The following AURKB variants were observed in gnomAD, a reference collection of about 807,000 sequenced individuals.
AURKB encodes aurora kinase B-Sv1.
AURKB carries 28 observed loss-of-function variants against 36.5 expected under a neutral mutation model. That is an observed-to-expected ratio of 0.77 (90% CI 0.57 to 1.05). AURKB has a LOEUF of 1.05. AURKB is among the 50% of genes least tolerant of loss of function. The pLI is 0.00. For synonymous variants in AURKB, 175 were observed against 172.9 expected, an observed-to-expected ratio of 1.01 and a Z score of -0.09; for missense variants, 383 against 447.4, an observed-to-expected ratio of 0.86 and a Z score of 1.30.
intron 2 of AURKB, 131 bp downstream of exon 2, chr17:8,210,046 G>T (rs1985897598): frequency 1.8e-5 from 22 of 1,249,056 alleles, no homozygotes; most frequent in Non-Finnish European, 2.5e-5. Flanking sequence ...CGTCAAACTT[G>T]GGACCCGTAC....
At position 8,210,157 on chromosome 17, in the gene AURKB, G is replaced by T; in HGVS notation, c.48+20C>A. On this transcript the variant is annotated intron_variant, in intron 2 of 8. Transcript: ENST00000585124. ...CCATGCGGGGTCATGGGGGCGCAGGGACGGAGGGAAGGGCCTTACCGTCTG... is the reference window on the plus strand; with the variant it reads ...CCATGCGGGGTCATGGGGGCGCAGGTACGGAGGGAAGGGCCTTACCGTCTG... 1 of 1,612,840 alleles carries T rather than the reference G, an allele frequency of 6.2e-7. No individual in the cohort carries two copies. The highest frequency in any genetic ancestry group is 8.5e-7 in the Non-Finnish European group (1 of 1,179,634).
rs756682338 is a variant in AURKB, at chr17:8,210,188, C to A, written c.37G>T (p.Gly13Cys). ...QKENSYPWPY[G>C]RQTAPSGLST... ...GGGAAGGGCCTTACCGTCTGTCGGCCGTAGGGCCAGGGGTAGGAGTTCTCC... is the reference window on the plus strand; with the variant it reads ...GGGAAGGGCCTTACCGTCTGTCGGCAGTAGGGCCAGGGGTAGGAGTTCTCC... The change falls in exon 2 of 9, where the codon GGC becomes TGC. Residue 13 changes from glycine to cysteine, a missense_variant. Gly to Cys is a radical substitution (Grantham distance 159). This residue lies in a region of AURKB where 105 missense variants were observed against 95.7 expected (regional missense o/e 1.10). Coordinates refer to ENST00000585124, the MANE Select transcript of AURKB (RefSeq NM_004217.4). 1.9e-6 allele frequency: 3 copies of A among 1,612,122 alleles called. No individual in the cohort carries two copies. The highest frequency in any genetic ancestry group is 2.5e-6 in the Non-Finnish European group (3 of 1,179,636).
rs201130878 is a variant in AURKB at position 8,207,268 on chromosome 17, G to A, written c.306C>T (p.Ile102=). The A allele has an allele frequency of 3.7e-5, 59 of 1,614,112 alleles. No homozygotes were observed. Among genetic ancestry groups the A allele is most frequent in the Admixed American group, 2.0e-4 (12 of 59,996 alleles). The change falls in exon 5 of 9, where the codon ATC becomes ATT. Residue 102 remains isoleucine, a synonymous_variant. Coordinates refer to ENST00000585124, the MANE Select transcript of AURKB (RefSeq NM_004217.4). The part of the protein sequence containing the change: ...YLAREKKSHF[I]VALKVLFKSQ... ...ACTTGAAGAGGACCTTGAGCGCCAC[G>A]ATGAAATGGCTTTTCTTCTCCCGAG...
chr17:8,208,280 C>G (rs1985631248), intron 2 of AURKB: 1 of 156,396 alleles, frequency 6.4e-6, no homozygotes, highest in African/African-American at 2.4e-5. Context: ...CAAAAATTAG[C>G]TGGCCGTGGT....
chr17:8,208,625 TAAATAAA>T (rs1410413963), intron 2 of AURKB, among the ~76,000 whole-genome samples: 3 of 148,368 alleles, frequency 2.0e-5, no homozygotes, highest in African/African-American at 7.5e-5. Flanking sequence ...AATAAATAAA[TAAATAAA>T]AAATAAATAA....
Position 8,210,201 on chromosome 17 carries a change from G to T in AURKB, c.24C>A (p.Tyr8Ter), listed in dbSNP as rs745736983. MAQKENS[Y>*]PWPYGRQTAP... ...CCGTCTGTCGGCCGTAGGGCCAGGG[G>T]TAGGAGTTCTCCTTCTGGGCCATCC... Residue 8 changes from tyrosine to a stop codon, truncating the protein, a stop_gained, in exon 2 of 9, where the codon TAC becomes TAA. Coordinates refer to ENST00000585124, the MANE Select transcript of AURKB (RefSeq NM_004217.4). LOFTEE classifies it high-confidence loss of function. 7 of 1,611,410 alleles carry T rather than the reference G, an allele frequency of 4.3e-6. No individual in the cohort carries two copies. Among genetic ancestry groups the T allele is most frequent in the Non-Finnish European group, 5.9e-6 (7 of 1,179,336 alleles).
chr17:8,210,519 G>C lies in AURKB; in HGVS notation c.-26+11C>G. ...TCCCGGCGCAAGGCCTGCGACAGGA[G>C]GCCAGCTCACCTGGGGTCCAAGGCA... is the stretch of plus-strand genomic sequence containing the variant. On this transcript the variant is annotated intron_variant, in intron 1 of 8. Transcript: ENST00000585124. 2.1e-6 allele frequency: 1 copy of C among 472,010 alleles called. No homozygotes were observed. The highest frequency in any genetic ancestry group is 3.8e-6 in the Non-Finnish European group (1 of 266,600). 29.2% of individuals were successfully genotyped at this position (472,010 alleles called of 1,614,324 possible). A position where few individuals can be genotyped will look rare whatever the true frequency, so the allele number is the denominator to read the frequency against.
In AURKB at chr17:8,206,473, C is replaced by A; in HGVS notation, c.686+18G>T. The A allele has an allele frequency of 6.2e-7, 1 of 1,613,720 alleles. No homozygotes were observed. The highest frequency in any genetic ancestry group is 8.5e-7 in the Non-Finnish European group (1 of 1,179,886). ...GGCCCAGCCTCACACCCAGGTCTGG[C>A]CTCCCAGGCCACCATACCTCAGGGA... On this transcript the variant is annotated intron_variant, in intron 7 of 8. Coordinates refer to ENST00000585124, the MANE Select transcript of AURKB (RefSeq NM_004217.4). The surrounding 1 kb of genome is among the most constrained non-coding windows in gnomAD (Gnocchi z 4.2).
rs1465361269 is a variant in AURKB, at chr17:8,207,278, C to T, written c.296G>A (p.Ser99Asn). The T allele has an allele frequency of 1.2e-6, 2 of 1,614,138 alleles. No homozygotes were observed. The highest frequency in any genetic ancestry group is 4.5e-5 in the East Asian group (2 of 44,886). The change falls in exon 5 of 9, where the codon AGC becomes AAC. Residue 99 changes from serine (S) to asparagine (N), a missense_variant. By Grantham distance (46) the Ser-to-Asn change is conservative (BLOSUM62 1). Around this residue, in one of 3 missense-constraint regions of AURKB, gnomAD observed 59 missense variants for 99.0 expected, o/e 0.60. Transcript: ENST00000585124. ...GACCTTGAGCGCCACGATGAAATGG[C>T]TTTTCTTCTCCCGAGCCAAGTACAC... Reference protein sequence around the residue: ...GNVYLAREKKSHFIVALKVLF... With the variant: ...GNVYLAREKKNHFIVALKVLF...
chr17:8,205,034 T>G lies in AURKB; in HGVS notation c.872A>C (p.Lys291Thr). Residue 291 changes from lysine to threonine, a missense_variant, in exon 9 of 9, where the codon AAG becomes ACG. By Grantham distance (78) the Lys-to-Thr change is moderately conservative. Around this residue, in one of 3 missense-constraint regions of AURKB, gnomAD observed 219 missense variants for 252.6 expected, o/e 0.87. Coordinates refer to ENST00000585124, the MANE Select transcript of AURKB (RefSeq NM_004217.4). ...TCCCATGGGCACGGAAGCGGGGAAC[T>G]TTAGGTCCACCTGCAGGTGTGAAGA... ...TYRRIVKVDL[K>T]FPASVPMGAQ... 2 of 1,585,112 alleles carry G rather than the reference T, an allele frequency of 1.3e-6. No homozygotes were observed. The highest frequency in any genetic ancestry group is 1.7e-6 in the Non-Finnish European group (2 of 1,168,660).
At position 8,205,203 on chromosome 17, in the gene AURKB, G is replaced by T; in HGVS notation, c.861+13C>A. The T allele has an allele frequency of 6.2e-7, 1 of 1,605,460 alleles. No individual in the cohort carries two copies. Among genetic ancestry groups the T allele is most frequent in the Non-Finnish European group, 8.5e-7 (1 of 1,174,698 alleles). On this transcript the variant is annotated intron_variant, in intron 8 of 8. Transcript: ENST00000585124. ...CTTCAGCAGCTGGCACGAAGCCCAG[G>T]CCGCCCTCCCACCTTGACGATGCGG...
In AURKB at chr17:8,207,597, A is replaced by G; in HGVS notation, c.180T>C (p.Asn60=). 6.2e-7 allele frequency: 1 copy of G among 1,613,768 alleles called. No homozygotes were observed. The highest frequency in any genetic ancestry group is 8.5e-7 in the Non-Finnish European group (1 of 1,179,834). The part of the protein sequence containing the change: ...TAAPGQKVME[N]SSGTPDILTR... ...TTAAGATGTCGGGTGTCCCACTGCTATTCTCCATCACCTTCTGGCCAGGGG... is the reference window on the plus strand; with the variant it reads ...TTAAGATGTCGGGTGTCCCACTGCTGTTCTCCATCACCTTCTGGCCAGGGG... Residue 60 remains asparagine (N), a synonymous_variant, in exon 4 of 9, where the codon AAT becomes AAC. Coordinates refer to ENST00000585124, the MANE Select transcript of AURKB (RefSeq NM_004217.4).
rs569477433 is a variant in AURKB at position 8,207,338 on chromosome 17, A to G, written c.236T>C (p.Ile79Thr). The G allele has an allele frequency of 3.5e-5, 56 of 1,614,024 alleles. No homozygotes were observed. The highest frequency in any genetic ancestry group is 1.7e-4 in the Admixed American group (10 of 59,990). Residue 79 changes from isoleucine (I) to threonine (T), a missense_variant, in exon 5 of 9, where the codon ATT (isoleucine) becomes ACT (threonine). Transcript: ENST00000585124. ...CTTGCCTTTGCCCAGAGGACGCCCA[A>G]TCTCAAAGTCATCAATTGTGAAGTG... ...TRHFTIDDFE[I>T]GRPLGKGKFG...
chr17:8,205,264 T>C lies in AURKB; in HGVS notation c.813A>G (p.Pro271=), dbSNP rs771830726. 1.9e-6 allele frequency: 3 copies of C among 1,613,708 alleles called. No homozygotes were observed. The highest frequency in any genetic ancestry group is 4.5e-5 in the East Asian group (2 of 44,880). The change falls in exon 8 of 9, where the codon CCA becomes CCG. Residue 271 remains proline, a synonymous_variant. Coordinates refer to ENST00000585124, the MANE Select transcript of AURKB (RefSeq NM_004217.4). ...VLCYELLVGN[P]PFESASHNET... Reference sequence around the variant, plus strand: ...CGTTGTGTGATGCACTCTCAAAGGGTGGGTTCCCCACCAGCAGCTCATAGC... The same window carrying C: ...CGTTGTGTGATGCACTCTCAAAGGGCGGGTTCCCCACCAGCAGCTCATAGC...
Position 8,206,353 on chromosome 17 carries a change from A to T in AURKB, c.686+138T>A, listed in dbSNP as rs1289398078. The T allele has an allele frequency of 2.9e-6, 3 of 1,040,654 alleles. No individual in the cohort carries two copies. Among genetic ancestry groups the T allele is most frequent in the Non-Finnish European group, 4.1e-6 (3 of 736,222 alleles). The allele number at this position is 1,040,654 out of a possible 1,614,324, so 64.5% of individuals were successfully genotyped here. Reference sequence around the variant, plus strand: ...ATCATGTTGGCAAATCTAGTCTCGAACTCCTGACCTCAGGTGATCCGCCCT... The same window carrying T: ...ATCATGTTGGCAAATCTAGTCTCGATCTCCTGACCTCAGGTGATCCGCCCT... On this transcript the variant is annotated intron_variant, in intron 7 of 8. Coordinates refer to ENST00000585124, the MANE Select transcript of AURKB (RefSeq NM_004217.4). The surrounding 1 kb of genome is among the most constrained non-coding windows in gnomAD (Gnocchi z 4.2).
At chr17:8,207,474 C>T in intron 4 of AURKB, 97 bp downstream of exon 4, 2 of 1,560,150 alleles carry the variant, frequency 1.3e-6, no homozygotes, top group Non-Finnish European at 1.7e-6. Flanking sequence ...CACTTGTCTT[C>T]ATCCCTACTC....
chr17:8,204,802 G>T lies in AURKB; in HGVS notation c.*69C>A, dbSNP rs778282439. On this transcript the variant is annotated 3_prime_UTR_variant, in exon 9 of 9. Transcript: ENST00000585124. ...AGAAAACAGATAAGGGAACAGTTAGGGATCCCTTCTTTCCCCTATACATAC... is the reference window on the plus strand; with the variant it reads ...AGAAAACAGATAAGGGAACAGTTAGTGATCCCTTCTTTCCCCTATACATAC... The T allele has an allele frequency of 9.6e-6, 15 of 1,564,866 alleles. No individual in the cohort carries two copies. Among genetic ancestry groups the T allele is most frequent in the Non-Finnish European group, 1.2e-5 (14 of 1,150,804 alleles).
intron 2 of AURKB, 151 bp from the exon 3 acceptor site, chr17:8,207,991 C>T: frequency 1.6e-6 from 1 of 637,582 alleles, no homozygotes; most frequent in Non-Finnish European, 2.7e-6. Context: ...AGTTTTGCTT[C>T]CCAGCCTCTG....
rs142567548 is a variant in AURKB, at chr17:8,210,202, T to A, written c.23A>T (p.Tyr8Phe). ...CGTCTGTCGGCCGTAGGGCCAGGGG[T>A]AGGAGTTCTCCTTCTGGGCCATCCT... MAQKENS[Y>F]PWPYGRQTAP... is the part of the protein sequence containing the mutation. Residue 8 changes from tyrosine (Y) to phenylalanine (F), a missense_variant, in exon 2 of 9, where the codon TAC (tyrosine) becomes TTC (phenylalanine). Physicochemically the swap from Tyr to Phe is conservative, Grantham distance 22. Transcript: ENST00000585124. The A allele has an allele frequency of 8.8e-5, 142 of 1,610,900 alleles. 1 individual carries two copies. The African/African-American group carries it at 1.5e-3, about 17-fold the overall frequency.
Sources: gnomAD v4.1 joint callset for allele counts (sites outside exome capture counted in the v4.1 genomes callset) on GRCh38, gnomAD v4.1.1 for gene constraint, gnomAD v4.1.1 regional missense constraint, Gnocchi (gnomAD v3.1) non-coding constraint, MANE v1.5 for transcripts, NCBI Gene and HGNC (gene_info 2026-07-23, HGNC 2026-07-21) for gene names.